Variants in GLI3 observed in about 807,000 individuals in gnomAD.
The protein encoded by GLI3 is transcription activator GLI3.
Under a neutral mutation model 100.8 loss-of-function variants are expected in GLI3, and 20 were observed. The observed-to-expected ratio is 0.20, with a 90% CI of 0.14 to 0.29. GLI3 has a LOEUF of 0.29. Among genes scored for constraint, GLI3 ranks in the 10% least tolerant of loss-of-function variants. GLI3 has a pLI of 1.00. For synonymous variants in GLI3, 938 were observed against 860.5 expected, an observed-to-expected ratio of 1.09 and a Z score of -1.58; for missense variants, 2,040 against 2,128.5, an observed-to-expected ratio of 0.96 and a Z score of 0.82.
chr7:42,224,408 G>A (rs766423709), intron 1 of GLI3, among the ~76,000 whole-genome samples: 4 of 152,124 alleles, frequency 2.6e-5, no homozygotes, highest in Non-Finnish European at 5.9e-5. Flanking sequence ...ACACATATTT[G>A]CAAGGGAACT....
Position 41,972,751 on chromosome 7 carries a change from A to C in GLI3, c.1813-124T>G. 1 of 780,504 alleles carries C rather than the reference A, an allele frequency of 1.3e-6. No homozygotes were observed. Among genetic ancestry groups the C allele is most frequent in the Non-Finnish European group, 2.2e-6 (1 of 459,352 alleles). 48.3% of individuals were successfully genotyped at this position (780,504 alleles called of 1,614,324 possible). ...TTCAAAACACTTTCACAAGGCTTTG[A>C]GGTGTTCAGATACCTCTAGGAACTA... On this transcript the variant is annotated intron_variant, in intron 12 of 14. Coordinates refer to ENST00000395925, the MANE Select transcript of GLI3 (RefSeq NM_000168.6). This position sits in a 1 kb window ranked among gnomAD's most constrained non-coding sequence, Gnocchi z 4.4.
At chr7:42,154,245 C>T (rs189409415) in intron 2 of GLI3, among the ~76,000 whole-genome samples, 2 of 152,186 alleles carry the variant, frequency 1.3e-5, no homozygotes, top group Non-Finnish European at 2.9e-5. Flanking sequence ...ACTGGACCCA[C>T]GTGGAGGACC....
rs200174474 is a variant in GLI3 at position 42,132,571 on chromosome 7, GA to G, written c.367+15654del. 6.7e-3 allele frequency among the ~76,000 whole-genome samples: 1,008 copies of G among 151,450 alleles called. 6 individuals carry two copies. The highest frequency in any genetic ancestry group is 0.023 in the African/African-American group (935 of 41,330). ...AATAATCAAATAGTCATCGCATATA[GA>G]AAAAAAAAGTTTGGCTTTTTCAAAT... On this transcript the variant is annotated intron_variant, in intron 3 of 14. Coordinates refer to ENST00000395925, the MANE Select transcript of GLI3 (RefSeq NM_000168.6).
chr7:42,178,509 T>C (rs1583624727), intron 2 of GLI3, among the ~76,000 whole-genome samples: 1 of 152,274 alleles, frequency 6.6e-6, no homozygotes, highest in East Asian at 1.9e-4. Flanking sequence ...AAGGAACTCA[T>C]CACCCCCCTT....
rs1787388902 is a variant in GLI3 at position 41,972,423 on chromosome 7, G to A, written c.2017C>T (p.Leu673Phe). 2 of 1,613,788 alleles carry A rather than the reference G, an allele frequency of 1.2e-6. No homozygotes were observed. The highest frequency in any genetic ancestry group is 1.3e-5 in the African/African-American group (1 of 74,842). The part of the protein sequence containing the change: ...RSPGRPTQGA[L>F]GEQQDLSNTT... The stretch of plus-strand genomic sequence containing the variant: ...TTGCTGAGGTCCTGCTGCTCACCAA[G>A]GGCTCCCTGAGTCGGTCGGCCAGGC... Residue 673 changes from leucine to phenylalanine, a missense_variant, in exon 13 of 15, where the codon CTT becomes TTT. Coordinates refer to ENST00000395925, the MANE Select transcript of GLI3 (RefSeq NM_000168.6). The surrounding 1 kb of genome is among the most constrained non-coding windows in gnomAD (Gnocchi z 4.4).
intron 4 of GLI3, among the ~76,000 whole-genome samples, chr7:42,065,329 A>T (rs1784652778): frequency 6.6e-6 from 1 of 151,782 alleles, no homozygotes; most frequent in Non-Finnish European, 1.5e-5. Flanking sequence ...CCTGCTTGTT[A>T]AGAGTAGAAA....
At chr7:42,169,865 T>C (rs769772511) in intron 2 of GLI3, among the ~76,000 whole-genome samples, 1 of 152,080 alleles carries the variant, frequency 6.6e-6, no homozygotes, top group Non-Finnish European at 1.5e-5. Flanking sequence ...TATATTTCAA[T>C]TACTTCTTAT....
chr7:42,118,169 T>G (rs1370706108), intron 3 of GLI3: 3 of 393,668 alleles, frequency 7.6e-6, no homozygotes, highest in Non-Finnish European at 1.3e-5. Flanking sequence ...ATCATCTTAA[T>G]GAAATACACT....
chr7:42,132,149 G>A (rs568646303), intron 3 of GLI3, among the ~76,000 whole-genome samples: 2 of 151,996 alleles, frequency 1.3e-5, no homozygotes, highest in African/African-American at 4.8e-5. Flanking sequence ...CGCCCAGGCT[G>A]GAGTGCAGTG....
intron 10 of GLI3, among the ~76,000 whole-genome samples, chr7:41,983,937 C>G (rs573097827): frequency 3.3e-5 from 5 of 152,244 alleles, no homozygotes; most frequent in Non-Finnish European, 4.4e-5. Context: ...GTTTTTTTAA[C>G]TGTCATCGAA....
At chr7:42,259,166 T>C (rs1789114497) in intron 1 of GLI3, among the ~76,000 whole-genome samples, 1 of 152,204 alleles carries the variant, frequency 6.6e-6, no homozygotes, top group Admixed American at 6.5e-5. Flanking sequence ...TAGCATGCTT[T>C]CAAATATTCA....
intron 1 of GLI3, among the ~76,000 whole-genome samples, chr7:42,253,958 G>T (rs993557224): frequency 1.5e-4 from 23 of 152,254 alleles, no homozygotes; most frequent in African/African-American, 5.5e-4. Flanking sequence ...GATGGTTCAC[G>T]CCTGTAATCC....
chr7:42,107,204 G>A (rs1785596842), intron 3 of GLI3, among the ~76,000 whole-genome samples: 2 of 152,074 alleles, frequency 1.3e-5, no homozygotes, highest in South Asian at 4.2e-4. Flanking sequence ...GAAGGTGCAA[G>A]TCTGTAGTCC....
chr7:42,015,533 A>G (rs1300573195), intron 10 of GLI3, among the ~76,000 whole-genome samples: 1 of 152,072 alleles, frequency 6.6e-6, no homozygotes, highest in Non-Finnish European at 1.5e-5. Flanking sequence ...TTTATGTCAA[A>G]GCAGGAGCCT....
chr7:42,131,415 G>A (rs1416152049), intron 3 of GLI3, among the ~76,000 whole-genome samples: 3 of 152,180 alleles, frequency 2.0e-5, no homozygotes, highest in African/African-American at 7.2e-5. Context: ...AAGAGTAAGT[G>A]TAGATAAAGC....
At position 42,262,232 on chromosome 7, in the gene GLI3, C is replaced by CCTTCCTTCCTTCCTTT. The variant is rs1554345659; in HGVS notation, c.-43+1746_-43+1761dup. Among the ~76,000 whole-genome samples the CCTTCCTTCCTTCCTTT allele has an allele frequency of 7.1e-4, 98 of 137,896 alleles. 1 individual carries two copies. The highest frequency in any genetic ancestry group is 2.9e-3 in the African/African-American group (95 of 32,514). 90.5% of individuals were successfully genotyped at this position (137,896 alleles called of 152,430 possible). On this transcript the variant is annotated intron_variant, in intron 1 of 2. Coordinates refer to the GLI3 transcript ENST00000678978. ...TCTTTCCTTCCTTCCTTCTTTCCTT[C>CCTTCCTTCCTTCCTTT]CTTCCTTCCTTCCTTTCTTCCTCCC...
intron 3 of GLI3, among the ~76,000 whole-genome samples, chr7:42,132,303 T>C (rs1049363109): frequency 5.3e-5 from 8 of 152,014 alleles, no homozygotes; most frequent in Non-Finnish European, 1.0e-4. Flanking sequence ...GGTTTCACCA[T>C]GTTAGCCAGG....
intron 3 of GLI3, among the ~76,000 whole-genome samples, chr7:42,131,371 C>T (rs1786271231): frequency 6.6e-6 from 1 of 151,298 alleles, no homozygotes; most frequent in Non-Finnish European, 1.5e-5. Flanking sequence ...AAATCAACTA[C>T]CAAAAAGCAA....
intron 12 of GLI3, among the ~76,000 whole-genome samples, chr7:41,973,653 G>A (rs907119800): frequency 3.4e-4 from 52 of 152,148 alleles, no homozygotes; most frequent in African/African-American, 9.7e-4. Context: ...GTAAGCAAGC[G>A]TCATGAAAAG....
Sources: gnomAD v4.1 joint callset for allele counts (sites outside exome capture counted in the v4.1 genomes callset) on GRCh38, gnomAD v4.1.1 for gene constraint, Gnocchi (gnomAD v3.1) non-coding constraint, MANE v1.5 for transcripts, NCBI Gene and HGNC (gene_info 2026-07-23, HGNC 2026-07-21) for gene names.